The following AGL variants were observed in gnomAD, a reference collection of about 807,000 sequenced individuals.
AGL encodes the protein glycogen debranching enzyme.
In AGL, 128 loss-of-function variants were observed where a neutral mutation model predicts 199.3. That is an observed-to-expected ratio of 0.64 (90% CI 0.56 to 0.74). The LOEUF (loss-of-function observed/expected upper bound fraction) is 0.74. AGL is among the 30% of genes least tolerant of loss of function. AGL has a pLI of 0.00. For synonymous variants in AGL, 584 were observed against 594.7 expected, an observed-to-expected ratio of 0.98 and a Z score of 0.26; for missense variants, 1,809 against 1,820.8, an observed-to-expected ratio of 0.99 and a Z score of 0.12.
chr1:99,903,241 C>G (rs1379381355), intron 27 of AGL, among the ~76,000 whole-genome samples: 3 of 152,154 alleles, frequency 2.0e-5, no homozygotes, highest in East Asian at 3.9e-4. Flanking sequence ...CACCCATTAA[C>G]TCATCATTTA....
At chr1:99,880,945 C>T in intron 14 of AGL, 131 bp from the exon 15 acceptor site, 1 of 1,272,562 alleles carries the variant, frequency 7.9e-7, no homozygotes. Flanking sequence ...GAATGTTTTA[C>T]TTGTTTAAAA....
chr1:99,916,487 A>T lies in AGL; in HGVS notation c.4337A>T (p.His1446Leu). ...AATCTTGCTAAAGGTTTCAATTATC[A>T]CCAAGGACCTGTAAGAATTTCATTT... The part of the protein sequence containing the change: ...NYNLAKGFNY[H>L]QGPEWLWPIG... The change falls in exon 32 of 34, where the codon CAC becomes CTC. Residue 1446 changes from histidine (H) to leucine (L), a missense_variant. Coordinates refer to ENST00000361915, the MANE Select transcript of AGL (RefSeq NM_000642.3). 6.2e-7 allele frequency: 1 copy of T among 1,611,018 alleles called. No homozygotes were observed. Among genetic ancestry groups the T allele is most frequent in the Non-Finnish European group, 8.5e-7 (1 of 1,177,772 alleles).
intron 27 of AGL, among the ~76,000 whole-genome samples, chr1:99,906,971 A>G (rs941245161): frequency 6.6e-6 from 1 of 152,174 alleles, no homozygotes; most frequent in Non-Finnish European, 1.5e-5. Context: ...TGGCTGCAAC[A>G]TTTACATTCC....
intron 17 of AGL, 89 bp from the exon 18 acceptor site, chr1:99,884,031 T>C: frequency 9.0e-7 from 1 of 1,108,892 alleles, no homozygotes. Context: ...TTTTCAACTT[T>C]AAGTTAAATG....
At chr1:99,849,591 A>C (rs1648753055), upstream of AGL, among the ~76,000 whole-genome samples, 1 of 151,944 alleles carries the variant, frequency 6.6e-6, no homozygotes, top group Admixed American at 6.6e-5. Context: ...GACTGGCCAC[A>C]CCTTACCTAC....
Position 99,884,667 on chromosome 1 carries a change from A to G in AGL, c.2645A>G (p.Asp882Gly). 2 of 1,613,998 alleles carry G rather than the reference A, an allele frequency of 1.2e-6. No homozygotes were observed. The highest frequency in any genetic ancestry group is 1.7e-6 in the Non-Finnish European group (2 of 1,179,928). The change falls in exon 20 of 34, where the codon GAC becomes GGC. Residue 882 changes from aspartate (D) to glycine (G), a missense_variant. By Grantham distance (94) the Asp-to-Gly change is moderately conservative. Transcript: ENST00000361915. ...PHFKSGSLAV[D>G]NADPILKIPF... Reference sequence around the variant, plus strand: ...TTTAAATCTGGCAGCCTAGCTGTTGACAATGCAGATCCTATATTAAAAATT... The same window carrying G: ...TTTAAATCTGGCAGCCTAGCTGTTGGCAATGCAGATCCTATATTAAAAATT...
In AGL at chr1:99,910,855, A is replaced by G; in HGVS notation, c.3836+8A>G. ...AATCCCAGCCACACCAAGGTAGTGT[A>G]AATGTTATAATGCTGTGTAATTATA... is the stretch of plus-strand genomic sequence containing the variant. On this transcript the variant is annotated splice_region_variant and intron_variant, in intron 28 of 33. Coordinates refer to ENST00000361915, the MANE Select transcript of AGL (RefSeq NM_000642.3). 2 of 1,611,230 alleles carry G rather than the reference A, an allele frequency of 1.2e-6. No homozygotes were observed. The highest frequency in any genetic ancestry group is 1.7e-6 in the Non-Finnish European group (2 of 1,178,120).
chr1:99,857,811 A>G (rs866521504), intron 2 of AGL, among the ~76,000 whole-genome samples: 180 of 26,308 alleles, frequency 6.8e-3, no homozygotes, highest in African/African-American at 0.026. Context: ...GGGGAGGGGG[A>G]GGGGGGAGAG....
chr1:99,879,833 A>T, intron 12 of AGL, 90 bp from the exon 13 acceptor site: 3 of 1,028,764 alleles, frequency 2.9e-6, no homozygotes, highest in Non-Finnish European at 4.6e-6. Flanking sequence ...ATGTCAAATC[A>T]TGCCTCCTTT....
chr1:99,875,368 G>A lies in AGL; in HGVS notation c.1196G>A (p.Cys399Tyr), dbSNP rs1336333560. Residue 399 changes from cysteine to tyrosine, a missense_variant, in exon 10 of 34, where the codon TGC becomes TAC. Transcript: ENST00000361915. Reference sequence around the variant, plus strand: ...TTTAATGTTTTTCAGGCAGTTAATTGCCTTTTGGGAAATGTGTTTTATGAA... The same window carrying A: ...TTTAATGTTTTTCAGGCAGTTAATTACCTTTTGGGAAATGTGTTTTATGAA... ...INYHQEQAVNCLLGNVFYERL... is the reference protein window; with the variant it reads ...INYHQEQAVNYLLGNVFYERL... The A allele has an allele frequency of 2.5e-6, 4 of 1,614,120 alleles. No homozygotes were observed. The highest frequency in any genetic ancestry group is 3.4e-6 in the Non-Finnish European group (4 of 1,180,004).
intron 5 of AGL, among the ~76,000 whole-genome samples, chr1:99,865,171 A>G (rs1036194628): frequency 6.6e-6 from 1 of 152,112 alleles, no homozygotes; most frequent in Non-Finnish European, 1.5e-5. Context: ...ATCAAAATAT[A>G]TATATATATA....
intron 27 of AGL, among the ~76,000 whole-genome samples, chr1:99,903,916 T>G (rs970531531): frequency 6.6e-6 from 1 of 152,212 alleles, no homozygotes; most frequent in African/African-American, 2.4e-5. Context: ...ATGTGTCTGT[T>G]GGCTGCATAG....
In AGL at chr1:99,861,521, G is replaced by A. The variant is rs746265668; in HGVS notation, c.101G>A (p.Arg34Gln). 42 of 1,613,722 alleles carry A rather than the reference G, an allele frequency of 2.6e-5. No individual in the cohort carries two copies. The highest frequency in any genetic ancestry group is 1.6e-4 in the Middle Eastern group (1 of 6,080). Residue 34 changes from arginine to glutamine, a missense_variant, in exon 3 of 34, where the codon CGA (arginine) becomes CAA (glutamine). Coordinates refer to ENST00000361915, the MANE Select transcript of AGL (RefSeq NM_000642.3). ...TATTTAGGGTATGAGCTACAGTTCC[G>A]ATTAGGCCCAACTTTACAGGGAAAA... Reference protein sequence around the residue: ...RLEQGYELQFRLGPTLQGKAV... With the variant: ...RLEQGYELQFQLGPTLQGKAV...
chr1:99,888,191 TC>T (rs1652602045), intron 21 of AGL, 83 bp downstream of exon 21: 2 of 1,560,700 alleles, frequency 1.3e-6, no homozygotes, highest in Non-Finnish European at 1.7e-6. Context: ...AGATATAGGC[TC>T]AGAGTATGCC....
chr1:99,862,554 A>G (rs989691517), intron 4 of AGL, 131 bp downstream of exon 4: 3 of 1,007,354 alleles, frequency 3.0e-6, no homozygotes, highest in Non-Finnish European at 4.5e-6. Context: ...AGACTGGGTA[A>G]TTTATAAAGA....
At chr1:99,903,894 G>C (rs1321222885) in intron 27 of AGL, among the ~76,000 whole-genome samples, 5 of 152,182 alleles carry the variant, frequency 3.3e-5, no homozygotes, top group Non-Finnish European at 7.3e-5. Context: ...CAGTGATGAT[G>C]AGCATTTTTT....
intron 7 of AGL, among the ~76,000 whole-genome samples, chr1:99,873,188 T>C (rs980529626): frequency 1.3e-5 from 2 of 152,142 alleles, no homozygotes; most frequent in Admixed American, 1.3e-4. Context: ...TTTTTGTGTA[T>C]TATATAAAGA....
chr1:99,911,589 G>A (rs2100851794), intron 28 of AGL, among the ~76,000 whole-genome samples: 1 of 152,106 alleles, frequency 6.6e-6, no homozygotes, highest in African/African-American at 2.4e-5. Context: ...GACTACAGGC[G>A]CACACTACCA....
rs1653749537 is a variant in AGL, at chr1:99,900,614, C to T, written c.3363-22C>T. 2.5e-6 allele frequency: 4 copies of T among 1,595,910 alleles called. No homozygotes were observed. The East Asian group carries it at 8.9e-5, about 36-fold the overall frequency. On this transcript the variant is annotated intron_variant, in intron 25 of 33. Coordinates refer to ENST00000361915, the MANE Select transcript of AGL (RefSeq NM_000642.3). ...TTAAGTGTTTGTTTTCATTTCTGATCCACTTAATTCTGTTGTTTTAGGAAT... is the reference window on the plus strand; with the variant it reads ...TTAAGTGTTTGTTTTCATTTCTGATTCACTTAATTCTGTTGTTTTAGGAAT...
Sources: allele counts gnomAD v4.1 joint callset (sites outside exome capture counted in the v4.1 genomes callset), GRCh38; gene constraint gnomAD v4.1.1; transcripts MANE v1.5; gene names NCBI Gene and HGNC (gene_info 2026-07-23, HGNC 2026-07-21).